NEDD9: variants seen among roughly 807,000 people sequenced by gnomAD.
NEDD9 encodes enhancer of filamentation 1.
Under a neutral mutation model 76.6 loss-of-function variants are expected in NEDD9, and 26 were observed. The observed-to-expected ratio is 0.34, with a 90% confidence interval of 0.25 to 0.47. The LOEUF is 0.47. Ranked by LOEUF, NEDD9 falls within the 20% of genes least tolerant of loss-of-function variation. The pLI is 1.00. For missense variants in NEDD9, 937 were observed against 1,058.5 expected, an observed-to-expected ratio of 0.89 and a Z score of 1.59; for synonymous variants, 392 against 414.2, an observed-to-expected ratio of 0.95 and a Z score of 0.65.
chr6:11,272,326 T>C (rs1036758871), intron 3 of NEDD9, among the ~76,000 whole-genome samples: 2 of 152,224 alleles, frequency 1.3e-5, no homozygotes, highest in African/African-American at 4.8e-5. Context: ...GGCGACTCAG[T>C]ACAAGATGTA....
At chr6:11,225,552 A>AGT (rs1215623014) in intron 1 of NEDD9, among the ~76,000 whole-genome samples, 1 of 152,150 alleles carries the variant, frequency 6.6e-6, no homozygotes, top group African/African-American at 2.4e-5. Context: ...CCCAGGCTGG[A>AGT]GTGCAGTGGT....
intron 1 of NEDD9, among the ~76,000 whole-genome samples, chr6:11,339,611 C>G (rs1032871231): frequency 2.0e-5 from 3 of 152,186 alleles, no homozygotes; most frequent in Admixed American, 6.5e-5. Context: ...ATGAGCTATG[C>G]TAAAAATGAT....
rs116271956 is a variant in NEDD9 at position 11,332,967 on chromosome 6, C to T, written c.-153+1534G>A. Reference sequence around the variant, plus strand: ...GCACATAGATATATGAGGAGTCCCACGGTTTCCCATAAGCCAAATAAGACA... The same window carrying T: ...GCACATAGATATATGAGGAGTCCCATGGTTTCCCATAAGCCAAATAAGACA... On this transcript the variant is annotated intron_variant, in intron 2 of 3. Transcript: ENST00000397378. Among the ~76,000 whole-genome samples the T allele has an allele frequency of 5.7e-3, 854 of 150,768 alleles. 4 individuals carry two copies. The highest frequency in any genetic ancestry group is 8.3e-3 in the Non-Finnish European group (562 of 67,828).
chr6:11,325,006 T>G (rs185628990), intron 2 of NEDD9, among the ~76,000 whole-genome samples: 3 of 152,324 alleles, frequency 2.0e-5, no homozygotes, highest in African/African-American at 7.2e-5. Context: ...CCATAGGCCT[T>G]TTTTAAATTC....
At chr6:11,202,436 A>G (rs1015990589) in intron 2 of NEDD9, among the ~76,000 whole-genome samples, 1 of 152,176 alleles carries the variant, frequency 6.6e-6, no homozygotes, top group African/African-American at 2.4e-5. Flanking sequence ...CCTTCCCTTT[A>G]AAGAAAACCT....
At chr6:11,202,608 T>C (rs1758482998) in intron 2 of NEDD9, among the ~76,000 whole-genome samples, 1 of 152,228 alleles carries the variant, frequency 6.6e-6, no homozygotes, top group South Asian at 2.1e-4. Flanking sequence ...CCTGGATTTA[T>C]TAATTCTCTG....
At chr6:11,328,542 T>A (rs1396962849) in intron 2 of NEDD9, 1 of 152,156 alleles carries the variant, frequency 6.6e-6, no homozygotes, top group Non-Finnish European at 1.5e-5. Flanking sequence ...AAGTGTTGGG[T>A]GTAGGGATGG....
chr6:11,339,144 T>C (rs774077642), intron 1 of NEDD9, among the ~76,000 whole-genome samples: 58 of 152,292 alleles, frequency 3.8e-4, no homozygotes, highest in Non-Finnish European at 5.1e-4. Context: ...ACCTTATGTA[T>C]GTGCAGATGT....
At chr6:11,313,493 A>T (rs1761443477) in intron 2 of NEDD9, among the ~76,000 whole-genome samples, 1 of 134,494 alleles carries the variant, frequency 7.4e-6, no homozygotes, top group Non-Finnish European at 1.6e-5. Flanking sequence ...AGATGGATGG[A>T]TGGCAGATGA....
intron 1 of NEDD9, among the ~76,000 whole-genome samples, chr6:11,358,088 A>ATAT (rs1762612024): frequency 6.6e-6 from 1 of 152,120 alleles, no homozygotes; most frequent in South Asian, 2.1e-4. Context: ...TCTCTACTAA[A>ATAT]ATACAAAAAA....
chr6:11,317,214 C>T (rs1225741553), intron 2 of NEDD9, among the ~76,000 whole-genome samples: 3 of 152,072 alleles, frequency 2.0e-5, no homozygotes, highest in African/African-American at 7.2e-5. Context: ...GGGCAGATCA[C>T]CTCAGGTCAG....
At chr6:11,336,025 C>T (rs760861095) in intron 1 of NEDD9, among the ~76,000 whole-genome samples, 2 of 152,178 alleles carry the variant, frequency 1.3e-5, no homozygotes, top group Non-Finnish European at 2.9e-5. Context: ...TCTGTCTGGG[C>T]TCCCCCGCTT....
intron 2 of NEDD9, chr6:11,200,626 C>G: frequency 6.3e-6 from 7 of 1,114,964 alleles, no homozygotes; most frequent in Non-Finnish European, 7.7e-6. Context: ...TTTAATCATT[C>G]CTAAATTTAA....
At chr6:11,305,264 G>T in intron 3 of NEDD9, 1 of 611,074 alleles carries the variant, frequency 1.6e-6, no homozygotes, top group Non-Finnish European at 2.5e-6. Flanking sequence ...TTCATCCTCT[G>T]AACAATCTTC....
chr6:11,255,997 C>G (rs914700437), intron 3 of NEDD9, among the ~76,000 whole-genome samples: 1 of 152,178 alleles, frequency 6.6e-6, no homozygotes, highest in Non-Finnish European at 1.5e-5. Flanking sequence ...AGTAACACCA[C>G]TAGGCCCCCA....
Position 11,254,977 on chromosome 6 carries a change from G to C in NEDD9, c.13-41250C>G, listed in dbSNP as rs1759974939. ...TTTGCAGAACAATATGTTGGGTTGA[G>C]TCTCTTTTCTCAAGGAGTTCAGAGC... On this transcript the variant is annotated intron_variant, in intron 3 of 3. Coordinates refer to the NEDD9 transcript ENST00000397378. Among the ~76,000 whole-genome samples the C allele has an allele frequency of 2.0e-5, 3 of 152,240 alleles. No individual in the cohort carries two copies. The South Asian group carries it at 6.2e-4, about 31-fold the overall frequency.
intron 1 of NEDD9, among the ~76,000 whole-genome samples, chr6:11,375,855 C>T (rs537411045): frequency 6.6e-6 from 1 of 152,246 alleles, no homozygotes; most frequent in African/African-American, 2.4e-5. Flanking sequence ...GACGGAGTCT[C>T]ACTCTATCAC....
Position 11,185,450 on chromosome 6 carries a change from C to T in NEDD9, c.2217G>A (p.Pro739=), listed in dbSNP as rs367878402. Residue 739 remains proline, a synonymous_variant, in exon 7 of 7, where the codon CCG becomes CCA. Transcript: ENST00000379446. Reference sequence around the variant, plus strand: ...ACTTGCTGTGTGCCACGAAGATTCGCGGGGGCTGGGCTGAGCTGACACAAC... The same window carrying T: ...ACTTGCTGTGTGCCACGAAGATTCGTGGGGGCTGGGCTGAGCTGACACAAC... ...LFSCVSSAQP[P]RIFVAHSKFV... is the part of the protein sequence containing the mutation. The T allele has an allele frequency of 1.2e-5, 19 of 1,614,156 alleles. No individual in the cohort carries two copies. In the African/African-American group the frequency reaches 2.1e-4, roughly 18 times the overall value.
intron 3 of NEDD9, chr6:11,305,394 A>G (rs2113417646): frequency 3.7e-6 from 1 of 269,042 alleles, no homozygotes; most frequent in South Asian, 3.7e-5. Context: ...GTGACCCTCA[A>G]TGCCACTATG....
Sources: allele counts gnomAD v4.1 joint callset (sites outside exome capture counted in the v4.1 genomes callset), GRCh38; gene constraint gnomAD v4.1.1; transcripts MANE v1.5; gene names NCBI Gene and HGNC (gene_info 2026-07-23, HGNC 2026-07-21).